Variants in SMG6 observed in about 807,000 individuals in gnomAD.
SMG6 encodes the protein SMG6 nonsense mediated mRNA decay factor, also known as telomerase-binding protein EST1A.
In SMG6, 66 loss-of-function variants were observed where a neutral mutation model predicts 142.2. The observed-to-expected ratio is 0.46, with a 90% CI of 0.38 to 0.57. SMG6 has a LOEUF of 0.57. SMG6 is among the 20% of genes least tolerant of loss of function. The probability of loss-of-function intolerance (pLI) is 0.00; values close to 1 mark genes in which losing one functional copy is unlikely to be tolerated. For missense variants in SMG6, 1,793 were observed against 1,832.0 expected (o/e 0.98, Z 0.39); for synonymous variants, 779 against 702.4 (o/e 1.11, Z -1.72).
At chr17:2,064,814 G>A (rs1459138246) in intron 18 of SMG6, among the ~76,000 whole-genome samples, 3 of 151,810 alleles carry the variant, frequency 2.0e-5, no homozygotes, top group Non-Finnish European at 3.0e-5. Context: ...GGATGCATGC[G>A]GGGTGAAGAA....
At chr17:2,247,865 G>A (rs916307958) in intron 8 of SMG6, among the ~76,000 whole-genome samples, 2 of 151,962 alleles carry the variant, frequency 1.3e-5, no homozygotes, top group East Asian at 1.9e-4. Context: ...AGGTTGAGGC[G>A]GGTAGATCAT....
intron 9 of SMG6, among the ~76,000 whole-genome samples, chr17:2,242,686 C>CT (rs548200311): frequency 1.9e-5 from 1 of 51,468 alleles, no homozygotes; most frequent in African/African-American, 1.2e-4. Flanking sequence ...GGCTCCATCT[C>CT]TTTAAAAAAA....
intron 10 of SMG6, among the ~76,000 whole-genome samples, chr17:2,220,971 C>T (rs73307996): frequency 0.031 from 4,760 of 152,054 alleles, 249 homozygotes; most frequent in African/African-American, 0.11. Context: ...GACAGAATTG[C>T]TCCAGTTAGG....
intron 13 of SMG6, among the ~76,000 whole-genome samples, chr17:2,167,941 A>G (rs545947446): frequency 6.6e-6 from 1 of 152,130 alleles, no homozygotes; most frequent in East Asian, 1.9e-4. Flanking sequence ...TGGCGCAATC[A>G]TAATGAGCAC....
chr17:2,066,775 G>A (rs2067965786), intron 16 of SMG6, among the ~76,000 whole-genome samples: 1 of 152,058 alleles, frequency 6.6e-6, no homozygotes. Flanking sequence ...GTAGATGGGT[G>A]TATGGTACAG....
intron 12 of SMG6, among the ~76,000 whole-genome samples, chr17:2,178,182 G>A (rs865981201): frequency 3.3e-5 from 5 of 152,216 alleles, no homozygotes; most frequent in Non-Finnish European, 7.3e-5. Flanking sequence ...CTCAGTGCTA[G>A]GTAGCTCAAG....
intron 10 of SMG6, among the ~76,000 whole-genome samples, chr17:2,193,012 G>A (rs1373365175): frequency 3.9e-5 from 6 of 152,252 alleles, no homozygotes; most frequent in African/African-American, 4.8e-5. Flanking sequence ...CTGACTGAGT[G>A]TAAAGCAAGT....
At chr17:2,152,292 G>C (rs1490072126) in intron 13 of SMG6, among the ~76,000 whole-genome samples, 2 of 152,138 alleles carry the variant, frequency 1.3e-5, no homozygotes, top group Non-Finnish European at 2.9e-5. Flanking sequence ...AAAAGGGGTG[G>C]TCCTCACAAC....
intron 13 of SMG6, among the ~76,000 whole-genome samples, chr17:2,131,528 A>AAC (rs1302808475): frequency 6.6e-6 from 1 of 152,012 alleles, no homozygotes; most frequent in African/African-American, 2.4e-5. Context: ...TTGAACTCCT[A>AAC]ACCTTGTGAT....
At chr17:2,151,621 A>G (rs2070828133) in intron 13 of SMG6, among the ~76,000 whole-genome samples, 2 of 152,346 alleles carry the variant, frequency 1.3e-5, no homozygotes, top group Non-Finnish European at 2.9e-5. Context: ...AAACTCTACT[A>G]ATGTCTAGTC....
chr17:2,236,221 C>T (rs1216796747), intron 10 of SMG6: 7 of 263,468 alleles, frequency 2.7e-5, no homozygotes, highest in East Asian at 2.3e-4. Context: ...CTGCCTTTCG[C>T]GTGGCCAGAT....
chr17:2,236,927 T>C, intron 9 of SMG6: 1 of 803,850 alleles, frequency 1.2e-6, no homozygotes, highest in Non-Finnish European at 1.6e-6. Flanking sequence ...TCCTCACCCC[T>C]GGCAATAACT....
intron 15 of SMG6, chr17:2,072,003 G>A (rs1375709275): frequency 1.3e-5 from 2 of 152,196 alleles, no homozygotes; most frequent in Non-Finnish European, 2.9e-5. Context: ...CACGGTAAGA[G>A]GAGGACACAG....
intron 10 of SMG6, among the ~76,000 whole-genome samples, chr17:2,230,764 T>C (rs879421881): frequency 3.3e-5 from 5 of 152,146 alleles, no homozygotes; most frequent in Admixed American, 6.5e-5. Context: ...AGCTGAAGCA[T>C]GCATCCTTCT....
At chr17:2,193,941 C>T (rs932464612) in intron 10 of SMG6, among the ~76,000 whole-genome samples, 21 of 152,322 alleles carry the variant, frequency 1.4e-4, no homozygotes, top group African/African-American at 4.1e-4. Context: ...AGCGATTCTT[C>T]CGCCTCAGCC....
rs776305012 is a variant in SMG6 at position 2,154,896 on chromosome 17, T to C, written c.3357+17762A>G. On this transcript the variant is annotated intron_variant, in intron 13 of 18. Transcript: ENST00000263073. ...CAAAAAAATACAAAAATTAGCGGGG[T>C]GTGGTAGCATGTACCTGTGGTCCCA... Among the ~76,000 whole-genome samples, 113 of 151,706 alleles carry C rather than the reference T, an allele frequency of 7.4e-4. 1 individual carries two copies. The highest frequency in any genetic ancestry group is 1.6e-4 in the Non-Finnish European group (11 of 67,966).
chr17:2,127,306 A>G, intron 13 of SMG6: 1 of 415,754 alleles, frequency 2.4e-6, no homozygotes, highest in Admixed American at 3.7e-5. Flanking sequence ...GAGTTCTGGA[A>G]ATGGATAGTA....
At chr17:2,296,502 T>C (rs1405150612) in intron 4 of SMG6, among the ~76,000 whole-genome samples, 1 of 152,126 alleles carries the variant, frequency 6.6e-6, no homozygotes, top group Admixed American at 6.6e-5. Flanking sequence ...GTCTGAGCGG[T>C]GGGCAGGCAA....
intron 13 of SMG6, among the ~76,000 whole-genome samples, chr17:2,168,788 A>T (rs2071417124): frequency 6.6e-6 from 1 of 151,926 alleles, no homozygotes; most frequent in South Asian, 2.1e-4. Flanking sequence ...TTGCTCTGTC[A>T]CCCAGGCTAG....
Sources: allele counts gnomAD v4.1 joint callset (sites outside exome capture counted in the v4.1 genomes callset), GRCh38; gene constraint gnomAD v4.1.1; transcripts MANE v1.5; gene names NCBI Gene and HGNC (gene_info 2026-07-23, HGNC 2026-07-21).